The following IDE variants were observed in gnomAD, a reference collection of about 807,000 sequenced individuals.
IDE encodes the protein insulin-degrading enzyme.
IDE carries 58 observed loss-of-function variants against 133.2 expected under a neutral mutation model. The observed-to-expected ratio is 0.44, with a 90% CI of 0.35 to 0.54. The LOEUF (loss-of-function observed/expected upper bound fraction) is 0.54. Among genes scored for constraint, IDE ranks in the 20% least tolerant of loss-of-function variants. The pLI, the probability that IDE is intolerant of heterozygous loss-of-function variation, is 0.00. For missense variants in IDE, 981 were observed against 1,234.0 expected (o/e 0.79, Z 3.07); for synonymous variants, 396 against 421.3 (o/e 0.94, Z 0.73).
chr10:92,488,560 G>A (rs1024501664), intron 12 of IDE, among the ~76,000 whole-genome samples: 5 of 151,998 alleles, frequency 3.3e-5, no homozygotes, highest in East Asian at 1.9e-4. Flanking sequence ...TGCAGATCAC[G>A]AGGTCAGGAG....
Position 92,465,669 on chromosome 10 carries a change from C to G in IDE, c.2488+7G>C. On this transcript the variant is annotated splice_region_variant and intron_variant, in intron 20 of 24. Coordinates refer to ENST00000265986, the MANE Select transcript of IDE (RefSeq NM_004969.4). ...AGTACCCTGCTATTTCCCCACTTTC[C>G]TCTCACCCAACTGCTCCTTGGTGCG... The G allele has an allele frequency of 6.2e-7, 1 of 1,607,166 alleles. No individual in the cohort carries two copies. Among genetic ancestry groups the G allele is most frequent in the Non-Finnish European group, 8.5e-7 (1 of 1,174,464 alleles).
chr10:92,522,585 T>C (rs1322904917), intron 4 of IDE, among the ~76,000 whole-genome samples: 1 of 152,198 alleles, frequency 6.6e-6, no homozygotes, highest in Non-Finnish European at 1.5e-5. Flanking sequence ...TTATCTATAC[T>C]TCAGGAGAAG....
intron 1 of IDE, among the ~76,000 whole-genome samples, chr10:92,562,244 T>C (rs1843316662): frequency 6.6e-6 from 1 of 152,256 alleles, no homozygotes; most frequent in African/African-American, 2.4e-5. Context: ...TGACCTCATT[T>C]ATAGTCGGTC....
intron 16 of IDE, 33 bp from the exon 17 acceptor site, chr10:92,474,994 T>C: frequency 6.5e-7 from 1 of 1,548,564 alleles, no homozygotes. Context: ...ATTAATTTTA[T>C]AAATCTTTTA....
In IDE at chr10:92,453,362, CTT is replaced by C. The variant is rs1402773974; in HGVS notation, c.*1080_*1081del. On this transcript the variant is annotated 3_prime_UTR_variant, in exon 25 of 25. Coordinates refer to ENST00000265986, the MANE Select transcript of IDE (RefSeq NM_004969.4). The stretch of plus-strand genomic sequence containing the variant: ...TTATATTTATATATTCAAAAAATAA[CTT>C]AACATTTAAGGCAAGATTAGACTGG... The C allele has an allele frequency of 2.0e-5, 3 of 152,110 alleles. No individual in the cohort carries two copies. The highest frequency in any genetic ancestry group is 1.9e-4 in the East Asian group (1 of 5,186). 9.4% of individuals were successfully genotyped at this position (152,110 alleles called of 1,614,324 possible).
chr10:92,483,940 T>A (rs781532687), intron 13 of IDE, among the ~76,000 whole-genome samples: 1 of 152,168 alleles, frequency 6.6e-6, no homozygotes, highest in Non-Finnish European at 1.5e-5. Flanking sequence ...GAGGTCCATG[T>A]GGTGAAAAAT....
intron 1 of IDE, among the ~76,000 whole-genome samples, chr10:92,573,498 C>T (rs1009884174): frequency 2.0e-5 from 3 of 152,240 alleles, no homozygotes; most frequent in African/African-American, 7.2e-5. Flanking sequence ...AAGCGGTCCC[C>T]CCGAAGTCGC....
Position 92,545,641 on chromosome 10 carries a change from C to T in IDE, c.99-8091G>A, listed in dbSNP as rs902746123. 2.0e-5 allele frequency among the ~76,000 whole-genome samples: 3 copies of T among 152,084 alleles called. No homozygotes were observed. In the South Asian group the frequency reaches 6.2e-4, roughly 31 times the overall value. The stretch of plus-strand genomic sequence containing the variant: ...CCCTAAGCAAAGGGACTGTACTGGA[C>T]GAAGAGGTATTATTGAGGCTTCAGT... On this transcript the variant is annotated intron_variant, in intron 1 of 24. Coordinates refer to ENST00000265986, the MANE Select transcript of IDE (RefSeq NM_004969.4).
chr10:92,476,598 A>G (rs1285427492), intron 15 of IDE, among the ~76,000 whole-genome samples: 1 of 152,142 alleles, frequency 6.6e-6, no homozygotes, highest in African/African-American at 2.4e-5. Context: ...AGTAGCTGGA[A>G]CTATATGTGT....
At chr10:92,508,307 G>C in intron 7 of IDE, 102 bp from the exon 8 acceptor site, 1 of 870,058 alleles carries the variant, frequency 1.1e-6, no homozygotes, top group Non-Finnish European at 1.9e-6. Flanking sequence ...TAAGATATCA[G>C]AATGAACCTC....
At chr10:92,491,575 T>C (rs1847343138) in intron 11 of IDE, among the ~76,000 whole-genome samples, 1 of 151,264 alleles carries the variant, frequency 6.6e-6, no homozygotes, top group Non-Finnish European at 1.5e-5. Flanking sequence ...TAGCTGGGAT[T>C]ACAGGCACCC....
In IDE at chr10:92,572,373, T is replaced by C. The variant is rs902113709; in HGVS notation, c.98+1549A>G. Among the ~76,000 whole-genome samples, 13 of 152,162 alleles carry C rather than the reference T, an allele frequency of 8.5e-5. 1 individual carries two copies. Among genetic ancestry groups the C allele is most frequent in the Non-Finnish European group, 1.5e-5 (1 of 68,036 alleles). On this transcript the variant is annotated intron_variant, in intron 1 of 24. Coordinates refer to ENST00000265986, the MANE Select transcript of IDE (RefSeq NM_004969.4). ...GGGGTCTTTTGCACATTATAGGAGATTTTGTGATGTAGTGGAAAACAGAGG... is the reference window on the plus strand; with the variant it reads ...GGGGTCTTTTGCACATTATAGGAGACTTTGTGATGTAGTGGAAAACAGAGG...
intron 1 of IDE, among the ~76,000 whole-genome samples, chr10:92,550,650 CAAAAAAAAAAAAAA>C (rs71028826): frequency 1.7e-5 from 1 of 57,428 alleles, no homozygotes; most frequent in African/African-American, 8.4e-5. Context: ...GACTCCGTCT[CAAAAAAAAAAAAAA>C]AAAAAAAAAA....
intron 4 of IDE, among the ~76,000 whole-genome samples, chr10:92,527,890 C>T (rs1395042282): frequency 6.6e-6 from 1 of 152,160 alleles, no homozygotes; most frequent in Non-Finnish European, 1.5e-5. Context: ...GTGGCACGTG[C>T]CTGTAATCCC....
chr10:92,454,277 G>A lies in IDE; in HGVS notation c.*167C>T. ...AAATATTCTACATCTATAAGATTTT[G>A]TAATTTACTTTGGATTTATAATATT... is the stretch of plus-strand genomic sequence containing the variant. On this transcript the variant is annotated 3_prime_UTR_variant, in exon 25 of 25. Coordinates refer to ENST00000265986, the MANE Select transcript of IDE (RefSeq NM_004969.4). The A allele has an allele frequency of 1.9e-6, 1 of 523,082 alleles. No homozygotes were observed. The highest frequency in any genetic ancestry group is 3.4e-6 in the Non-Finnish European group (1 of 291,880). The allele number at this position is 523,082 out of a possible 1,614,324, so 32.4% of individuals were successfully genotyped here. A position where few individuals can be genotyped will look rare whatever the true frequency, so the allele number is the denominator to read the frequency against.
intron 13 of IDE, among the ~76,000 whole-genome samples, chr10:92,485,197 G>A (rs1047051006): frequency 1.2e-4 from 16 of 137,060 alleles, no homozygotes; most frequent in Non-Finnish European, 2.3e-4. Flanking sequence ...GCGTGATCTC[G>A]GCTCACCACA....
chr10:92,499,809 T>G (rs974305044), intron 11 of IDE, among the ~76,000 whole-genome samples: 12 of 152,182 alleles, frequency 7.9e-5, no homozygotes, highest in African/African-American at 2.4e-4. Context: ...TTGAAGATAT[T>G]TTTCTATTTT....
intron 21 of IDE, among the ~76,000 whole-genome samples, chr10:92,462,317 T>TAAAAAA (rs57235158): frequency 1.3e-5 from 1 of 75,168 alleles, no homozygotes; most frequent in African/African-American, 5.0e-5. Context: ...AACTGTCTCA[T>TAAAAAA]AAAAAAAAAA....
intron 21 of IDE, among the ~76,000 whole-genome samples, chr10:92,461,738 C>T (rs960888827): frequency 1.3e-5 from 2 of 151,840 alleles, no homozygotes; most frequent in African/African-American, 4.8e-5. Context: ...GATCTCAGCT[C>T]ACTGTAAGCT....
Sources: gnomAD v4.1 joint callset for allele counts (sites outside exome capture counted in the v4.1 genomes callset) on GRCh38, gnomAD v4.1.1 for gene constraint, MANE v1.5 for transcripts, NCBI Gene and HGNC (gene_info 2026-07-23, HGNC 2026-07-21) for gene names.